The following ARID4B variants were observed in gnomAD, a reference collection of about 807,000 sequenced individuals.
ARID4B encodes AT-rich interactive domain-containing protein 4B.
In ARID4B, 26 loss-of-function variants were observed where a neutral mutation model predicts 147.5. The observed-to-expected ratio is 0.18, with a 90% CI of 0.13 to 0.24. ARID4B has a LOEUF of 0.24. ARID4B is among the 10% of genes least tolerant of loss of function. The pLI, the probability that ARID4B is intolerant of heterozygous loss-of-function variation, is 1.00. For missense variants in ARID4B, 1,179 were observed against 1,511.5 expected (o/e 0.78, Z 3.65); for synonymous variants, 512 against 507.9 (o/e 1.01, Z -0.11).
At chr1:235,312,027 C>G (rs560431001) in intron 2 of ARID4B, among the ~76,000 whole-genome samples, 1 of 151,984 alleles carries the variant, frequency 6.6e-6, no homozygotes. Context: ...TGGTGGCTCA[C>G]GTCTGTAATC....
intron 2 of ARID4B, among the ~76,000 whole-genome samples, chr1:235,307,532 A>G (rs1673663181): frequency 6.6e-6 from 1 of 152,222 alleles, no homozygotes; most frequent in South Asian, 2.1e-4. Context: ...GAGAAGGTTG[A>G]CTGTTCTAAA....
intron 7 of ARID4B, among the ~76,000 whole-genome samples, chr1:235,242,767 C>T (rs1190136372): frequency 6.6e-6 from 1 of 152,136 alleles, no homozygotes; most frequent in East Asian, 1.9e-4. Flanking sequence ...CTTTGTTCAG[C>T]TAGCTGAAAC....
At chr1:235,305,424 T>C (rs1673474859) in intron 2 of ARID4B, among the ~76,000 whole-genome samples, 1 of 152,176 alleles carries the variant, frequency 6.6e-6, no homozygotes, top group Non-Finnish European at 1.5e-5. Flanking sequence ...TTGGCACTTC[T>C]AAATGTTCTG....
intron 16 of ARID4B, among the ~76,000 whole-genome samples, chr1:235,214,396 C>A (rs1243651506): frequency 6.6e-6 from 1 of 152,126 alleles, no homozygotes; most frequent in African/African-American, 2.4e-5. Context: ...ATTCATTATA[C>A]TTCATTGCCA....
intron 2 of ARID4B, among the ~76,000 whole-genome samples, chr1:235,301,906 G>T (rs1204397443): frequency 2.0e-5 from 3 of 151,280 alleles, no homozygotes; most frequent in Admixed American, 6.6e-5. Context: ...GTAGAGAGGG[G>T]GTTTCAAAAC....
chr1:235,209,296 C>A (rs1666536132), intron 17 of ARID4B, among the ~76,000 whole-genome samples: 1 of 152,070 alleles, frequency 6.6e-6, no homozygotes, highest in African/African-American at 2.4e-5. Flanking sequence ...CATGGTGAAA[C>A]CCCATCTCTA....
intron 2 of ARID4B, among the ~76,000 whole-genome samples, chr1:235,324,763 C>T (rs1324928403): frequency 6.6e-6 from 1 of 152,180 alleles, no homozygotes; most frequent in East Asian, 1.9e-4. Flanking sequence ...ACGGCAAAAC[C>T]TCATCTCTAC....
chr1:235,280,645 G>A (rs1371082977), intron 2 of ARID4B, among the ~76,000 whole-genome samples: 2 of 152,222 alleles, frequency 1.3e-5, no homozygotes, highest in East Asian at 1.9e-4. Flanking sequence ...AGAACAGCCA[G>A]GGGCCCCTCC....
rs1293030456 is a variant in ARID4B at position 235,294,448 on chromosome 1, ATT to A, written c.6+32464_6+32465del. Among the ~76,000 whole-genome samples, 51 of 96,856 alleles carry A rather than the reference ATT, an allele frequency of 5.3e-4. 1 individual carries two copies. The highest frequency in any genetic ancestry group is 2.0e-3 in the African/African-American group (50 of 25,416). 63.5% of individuals were successfully genotyped at this position (96,856 alleles called of 152,430 possible). ...CCGCTTGAACCCAGGGGTTCAAGCA[ATT>A]CTCCCGCTTGAACCCAGGGGTTCAA... On this transcript the variant is annotated intron_variant, in intron 2 of 23. Transcript: ENST00000264183.
In ARID4B at chr1:235,308,600, G is replaced by A. The variant is rs537531079; in HGVS notation, c.6+18314C>T. Among the ~76,000 whole-genome samples the A allele has an allele frequency of 1.1e-3, 165 of 152,126 alleles. 1 individual carries two copies. Among genetic ancestry groups the A allele is most frequent in the African/African-American group, 3.8e-3 (157 of 41,492 alleles). On this transcript the variant is annotated intron_variant, in intron 2 of 23. Transcript: ENST00000264183. ...CCTGATTCTCCTGCCTCAGCCTGCC[G>A]AGTGCCCGCGATTGCAGGTGCGCGC...
chr1:235,287,109 A>G (rs1470436615), intron 2 of ARID4B, among the ~76,000 whole-genome samples: 1 of 152,056 alleles, frequency 6.6e-6, no homozygotes, highest in East Asian at 1.9e-4. Flanking sequence ...AAAATGCAAA[A>G]TTAGCCGGGC....
intron 2 of ARID4B, among the ~76,000 whole-genome samples, chr1:235,318,362 T>TG (rs1480499483): frequency 1.3e-5 from 2 of 151,844 alleles, no homozygotes; most frequent in African/African-American, 2.4e-5. Flanking sequence ...TTAGTACAGA[T>TG]GGGGTTTCAC....
chr1:235,272,701 A>G (rs1346986292), intron 2 of ARID4B, among the ~76,000 whole-genome samples: 5 of 150,382 alleles, frequency 3.3e-5, no homozygotes, highest in South Asian at 2.1e-4. Flanking sequence ...TATATTATAC[A>G]TTTATTACAT....
chr1:235,193,933 T>C (rs1289214408), intron 19 of ARID4B, 80 bp downstream of exon 19: 8 of 1,062,916 alleles, frequency 7.5e-6, no homozygotes, highest in Non-Finnish European at 1.1e-5. Context: ...TAGTTGGTAA[T>C]GTCACTGAAT....
intron 8 of ARID4B, among the ~76,000 whole-genome samples, chr1:235,236,833 A>AAT (rs1553299956): frequency 0.016 from 532 of 33,476 alleles, 20 homozygotes; most frequent in Middle Eastern, 0.033. Context: ...TTTTATAAAA[A>AAT]ATATATATAT....
At chr1:235,221,886 ATTTTTTTTTTTTTTTTTTT>A (rs768600040) in intron 13 of ARID4B, among the ~76,000 whole-genome samples, 26 of 53,630 alleles carry the variant, frequency 4.8e-4, no homozygotes, top group East Asian at 2.2e-3. Context: ...TCATTTGACT[ATTTTTTTTTTTTTTTTTTT>A]TTTTTTTTTT....
chr1:235,185,881 CG>C (rs1664638545), intron 19 of ARID4B, among the ~76,000 whole-genome samples: 3 of 150,296 alleles, frequency 2.0e-5, no homozygotes. Flanking sequence ...TGATGTACTA[CG>C]GTATGACTCT....
chr1:235,176,710 A>G, intron 21 of ARID4B: 1 of 383,060 alleles, frequency 2.6e-6, no homozygotes, highest in Non-Finnish European at 5.2e-6. Context: ...GGCCTTGCTG[A>G]GCACAGCCGC....
At chr1:235,235,870 A>G (rs1001122003) in intron 8 of ARID4B, among the ~76,000 whole-genome samples, 9 of 152,150 alleles carry the variant, frequency 5.9e-5, no homozygotes, top group Admixed American at 5.9e-4. Context: ...GCACAGTCCT[A>G]GTCAGGGTAA....
Sources: gnomAD v4.1 joint callset for allele counts (sites outside exome capture counted in the v4.1 genomes callset) on GRCh38, gnomAD v4.1.1 for gene constraint, MANE v1.5 for transcripts, NCBI Gene and HGNC (gene_info 2026-07-23, HGNC 2026-07-21) for gene names.